Variants in LINGO2 observed in about 807,000 individuals in gnomAD.
LINGO2 encodes leucine-rich repeat and immunoglobulin-like domain-containing nogo receptor-interacting protein 2.
A neutral mutation model predicts 30.6 loss-of-function variants in LINGO2; 14 were observed. The ratio of observed to expected loss-of-function variants is 0.46; its 90% CI spans 0.30 to 0.72. The LOEUF (loss-of-function observed/expected upper bound fraction) is 0.72. LINGO2 is among the 30% of genes least tolerant of loss of function. The pLI is 0.07. For missense variants in LINGO2, 729 were observed against 751.7 expected (o/e 0.97, Z 0.35); for synonymous variants, 317 against 288.5 (o/e 1.10, Z -1.00).
At chr9:29,179,158 AATATATAT>A in the LINGO2 span, among the ~76,000 whole-genome samples, 5,272 of 101,250 alleles carry the variant, frequency 0.052, 139 homozygotes, top group Non-Finnish European at 0.059. Context: ...TCTTACTGTA[AATATATAT>A]ATATATATAT....
the LINGO2 span, among the ~76,000 whole-genome samples, chr9:28,925,551 A>G: frequency 6.6e-6 from 1 of 152,212 alleles, no homozygotes; most frequent in African/African-American, 2.4e-5. Context: ...CTGGGGAAGG[A>G]TAACTGGAAG....
the LINGO2 span, among the ~76,000 whole-genome samples, chr9:29,058,588 C>G: frequency 2.0e-5 from 3 of 151,292 alleles, no homozygotes; most frequent in Admixed American, 6.6e-5. Context: ...ACAATATAAG[C>G]CCACAGATTC....
At chr9:28,044,992 T>C (rs1453292697) in intron 4 of LINGO2, among the ~76,000 whole-genome samples, 1 of 152,044 alleles carries the variant, frequency 6.6e-6, no homozygotes, top group African/African-American at 2.4e-5. Context: ...CCCATGTGCA[T>C]TTCGTAATCC....
chr9:28,270,883 T>C (rs930286537), intron 4 of LINGO2, among the ~76,000 whole-genome samples: 7 of 152,130 alleles, frequency 4.6e-5, no homozygotes, highest in Non-Finnish European at 8.8e-5. Flanking sequence ...GGACTTGAGA[T>C]TCAGAGAGAC....
chr9:28,306,911 A>C (rs1025128706), intron 3 of LINGO2, among the ~76,000 whole-genome samples: 4 of 152,198 alleles, frequency 2.6e-5, no homozygotes, highest in African/African-American at 9.6e-5. Flanking sequence ...GACCAATAAC[A>C]AGGTCTGAAA....
the LINGO2 span, among the ~76,000 whole-genome samples, chr9:28,963,587 C>T: frequency 4.3e-5 from 6 of 139,196 alleles, no homozygotes; most frequent in African/African-American, 1.6e-4. Context: ...CAGTGGAATA[C>T]CATTAAGTCA....
intron 3 of LINGO2, among the ~76,000 whole-genome samples, chr9:28,319,454 T>C (rs1316664442): frequency 6.6e-6 from 1 of 152,212 alleles, no homozygotes; most frequent in African/African-American, 2.4e-5. Flanking sequence ...ACAAAATTGC[T>C]TTTATCATGT....
intron 4 of LINGO2, among the ~76,000 whole-genome samples, chr9:28,255,196 GCTCT>G (rs145554324): frequency 2.7e-5 from 4 of 148,046 alleles, no homozygotes; most frequent in South Asian, 2.2e-4. Flanking sequence ...TCCCTCTCTC[GCTCT>G]CTCTCTCTCT....
chr9:28,062,696 T>TACAAAATAAA (rs1323555554), intron 4 of LINGO2, among the ~76,000 whole-genome samples: 2 of 148,796 alleles, frequency 1.3e-5, no homozygotes, highest in African/African-American at 2.5e-5. Flanking sequence ...TTTGTATATA[T>TACAAAATAAA]ATATACAAAA....
intron 4 of LINGO2, among the ~76,000 whole-genome samples, chr9:28,110,042 C>G (rs1429364568): frequency 6.6e-6 from 1 of 152,090 alleles, no homozygotes; most frequent in African/African-American, 2.4e-5. Flanking sequence ...GGTACCAAAA[C>G]AGATATCTAG....
At position 28,612,079 on chromosome 9, in the gene LINGO2, T is replaced by C. The variant is rs549294237; in HGVS notation, c.-365+58121A>G. Among the ~76,000 whole-genome samples, 7 of 152,160 alleles carry C rather than the reference T, an allele frequency of 4.6e-5. No individual in the cohort carries two copies. The South Asian group carries it at 1.4e-3, about 32-fold the overall frequency. On this transcript the variant is annotated intron_variant, in intron 1 of 5. Coordinates refer to ENST00000379992, the Ensembl canonical transcript of LINGO2. ...CCACCACGCCTGGGCTTCTTTTTTATTTTTAAGGCGGGGTCTCTATTGCCT... is the reference window on the plus strand; with the variant it reads ...CCACCACGCCTGGGCTTCTTTTTTACTTTTAAGGCGGGGTCTCTATTGCCT...
At chr9:29,028,899 C>A in the LINGO2 span, among the ~76,000 whole-genome samples, 1 of 152,120 alleles carries the variant, frequency 6.6e-6, no homozygotes, top group Non-Finnish European at 1.5e-5. Flanking sequence ...CTCAGAAAAA[C>A]CACAGATTTC....
At chr9:28,288,892 T>C (rs1222225643) in intron 4 of LINGO2, among the ~76,000 whole-genome samples, 1 of 152,210 alleles carries the variant, frequency 6.6e-6, no homozygotes, top group African/African-American at 2.4e-5. Flanking sequence ...GGGGAAAGCA[T>C]AGCCCATTAA....
chr9:28,044,801 T>C (rs1307663508), intron 4 of LINGO2, among the ~76,000 whole-genome samples: 1 of 151,960 alleles, frequency 6.6e-6, no homozygotes, highest in Non-Finnish European at 1.5e-5. Flanking sequence ...GCATATGTTA[T>C]AAGGAATCAG....
chr9:28,635,864 T>C (rs1827239950), intron 1 of LINGO2, among the ~76,000 whole-genome samples: 1 of 152,170 alleles, frequency 6.6e-6, no homozygotes. Flanking sequence ...AGGGTACATG[T>C]GCACAACGTA....
At chr9:28,843,355 C>CAA in the LINGO2 span, among the ~76,000 whole-genome samples, 1 of 151,558 alleles carries the variant, frequency 6.6e-6, no homozygotes, top group Non-Finnish European at 1.5e-5. Context: ...ATGTGGGTTT[C>CAA]TACACACTTA....
At chr9:28,738,237 T>C in the LINGO2 span, among the ~76,000 whole-genome samples, 5 of 152,104 alleles carry the variant, frequency 3.3e-5, no homozygotes, top group African/African-American at 9.7e-5. Context: ...CTTCCTGAAA[T>C]CCTGAGATCT....
chr9:28,772,378 T>C, the LINGO2 span, among the ~76,000 whole-genome samples: 2 of 152,204 alleles, frequency 1.3e-5, no homozygotes, highest in Non-Finnish European at 2.9e-5. Context: ...AGTAACATCC[T>C]TTTTGAAATT....
At chr9:28,630,519 C>G (rs145691854) in intron 1 of LINGO2, among the ~76,000 whole-genome samples, 3 of 152,000 alleles carry the variant, frequency 2.0e-5, no homozygotes, top group Non-Finnish European at 4.4e-5. Context: ...AAATGACAGA[C>G]ATGATACAAC....
Sources: gnomAD v4.1 joint callset for allele counts (sites outside exome capture counted in the v4.1 genomes callset) on GRCh38, gnomAD v4.1.1 for gene constraint, MANE v1.5 for transcripts, NCBI Gene and HGNC (gene_info 2026-07-23, HGNC 2026-07-21) for gene names.